Variants in CFAP299 observed in about 807,000 individuals in gnomAD.
CFAP299 encodes the protein cilia- and flagella-associated protein 299.
In CFAP299, 21 loss-of-function variants were observed where a neutral mutation model predicts 27.0. The observed-to-expected ratio is 0.78, with a 90% confidence interval of 0.55 to 1.12. CFAP299 has a LOEUF of 1.12. Among genes scored for constraint, CFAP299 ranks in the 50% most tolerant of loss-of-function variants. The pLI is 0.00. For missense variants in CFAP299, 310 were observed against 276.6 expected (o/e 1.12, Z -0.86); for synonymous variants, 104 against 98.1 (o/e 1.06, Z -0.36).
chr4:80,925,249 C>T (rs138287326), intron 4 of CFAP299, among the ~76,000 whole-genome samples: 8 of 152,012 alleles, frequency 5.3e-5, no homozygotes, highest in Non-Finnish European at 1.0e-4. Flanking sequence ...CTTTCCTGAA[C>T]AAAATATTCT....
At chr4:80,912,035 T>A (rs1735498325) in intron 4 of CFAP299, among the ~76,000 whole-genome samples, 1 of 152,142 alleles carries the variant, frequency 6.6e-6, no homozygotes, top group Non-Finnish European at 1.5e-5. Context: ...TAATACCTTC[T>A]TTCTTTTAGA....
At chr4:80,855,690 AATG>A (rs1228240305) in intron 3 of CFAP299, among the ~76,000 whole-genome samples, 2 of 152,172 alleles carry the variant, frequency 1.3e-5, no homozygotes, top group African/African-American at 4.8e-5. Context: ...GTTTACTGAG[AATG>A]ATGATTTCCA....
At chr4:80,900,107 C>T (rs1734810244) in intron 4 of CFAP299, among the ~76,000 whole-genome samples, 1 of 132,416 alleles carries the variant, frequency 7.6e-6, no homozygotes, top group African/African-American at 2.8e-5. Context: ...AAATAAATGA[C>T]ATAAAAGTGG....
chr4:80,646,784 T>C (rs1469741802), intron 3 of CFAP299, among the ~76,000 whole-genome samples: 4 of 152,124 alleles, frequency 2.6e-5, no homozygotes, highest in Admixed American at 6.6e-5. Context: ...TCTGTACTCT[T>C]TTTACTTCTC....
the CFAP299 span, among the ~76,000 whole-genome samples, chr4:80,329,471 A>G: frequency 6.6e-6 from 1 of 152,074 alleles, no homozygotes; most frequent in African/African-American, 2.4e-5. Context: ...TACTGAGGTA[A>G]TTTACATTAC....
At chr4:80,354,124 A>G (rs1324417587) in intron 1 of CFAP299, among the ~76,000 whole-genome samples, 1 of 152,232 alleles carries the variant, frequency 6.6e-6, no homozygotes, top group Non-Finnish European at 1.5e-5. Context: ...AATTCAAAAC[A>G]ATTCAAAAGG....
chr4:80,765,717 A>G (rs940000340), intron 3 of CFAP299, among the ~76,000 whole-genome samples: 1 of 152,114 alleles, frequency 6.6e-6, no homozygotes, highest in African/African-American at 2.4e-5. Flanking sequence ...AACTAAATGA[A>G]TTTCTAAAAC....
chr4:80,739,210 G>A (rs1453130457), intron 3 of CFAP299, among the ~76,000 whole-genome samples: 2 of 152,098 alleles, frequency 1.3e-5, no homozygotes, highest in Non-Finnish European at 2.9e-5. Context: ...CACAGTTACA[G>A]TGTTATACTA....
chr4:80,562,863 G>C (rs943715367), intron 2 of CFAP299, among the ~76,000 whole-genome samples: 10 of 151,774 alleles, frequency 6.6e-5, no homozygotes, highest in African/African-American at 2.4e-4. Flanking sequence ...AAGATTCTAT[G>C]TCAATGGATA....
chr4:80,692,266 G>A (rs976076993), intron 3 of CFAP299, among the ~76,000 whole-genome samples: 20 of 152,116 alleles, frequency 1.3e-4, no homozygotes, highest in African/African-American at 4.8e-4. Flanking sequence ...AACAAAGCTG[G>A]AGGCATCACA....
intron 3 of CFAP299, among the ~76,000 whole-genome samples, chr4:80,782,406 C>A (rs986376224): frequency 6.6e-6 from 1 of 150,876 alleles, no homozygotes; most frequent in African/African-American, 2.4e-5. Context: ...TTTTCTTTTT[C>A]TTCAGCTTAA....
At chr4:80,585,837 T>C (rs1001239171) in intron 3 of CFAP299, among the ~76,000 whole-genome samples, 1 of 152,038 alleles carries the variant, frequency 6.6e-6, no homozygotes, top group Admixed American at 6.6e-5. Context: ...CTGGGATAAA[T>C]AAATGACAGA....
chr4:80,628,927 A>G (rs750886517), intron 3 of CFAP299, among the ~76,000 whole-genome samples: 3 of 152,224 alleles, frequency 2.0e-5, no homozygotes, highest in Non-Finnish European at 2.9e-5. Context: ...TCAAAAAATT[A>G]AAAATAAAAC....
intron 3 of CFAP299, among the ~76,000 whole-genome samples, chr4:80,699,254 T>C (rs1188723403): frequency 6.6e-6 from 1 of 152,176 alleles, no homozygotes; most frequent in African/African-American, 2.4e-5. Context: ...GTTTCAAAGG[T>C]TCTGCACTTG....
chr4:80,656,600 C>T (rs897002295), intron 3 of CFAP299, among the ~76,000 whole-genome samples: 1 of 152,058 alleles, frequency 6.6e-6, no homozygotes, highest in African/African-American at 2.4e-5. Flanking sequence ...GTATATGTAC[C>T]ACGTTTTCTT....
rs377476055 is a variant in CFAP299 at position 80,927,007 on chromosome 4, GTT to G, written c.477-17802_477-17801del. On this transcript the variant is annotated intron_variant, in intron 4 of 5. Transcript: ENST00000358105. ...GCAACAAATAACTGCTCTCATTTCA[GTT>G]CTGGCCCAGGATAAACCAGCACATA... is the stretch of plus-strand genomic sequence containing the variant. Among the ~76,000 whole-genome samples, 441 of 152,102 alleles carry G rather than the reference GTT, an allele frequency of 2.9e-3. 1 individual carries two copies. Among genetic ancestry groups the G allele is most frequent in the African/African-American group, 0.01 (420 of 41,502 alleles).
At chr4:80,489,664 T>A (rs1001873485) in intron 2 of CFAP299, among the ~76,000 whole-genome samples, 1 of 152,210 alleles carries the variant, frequency 6.6e-6, no homozygotes, top group Non-Finnish European at 1.5e-5. Flanking sequence ...CTCTGATACC[T>A]ACCTAACAGT....
Position 80,800,618 on chromosome 4 carries a change from TAA to T in CFAP299, c.334-69374_334-69373del, listed in dbSNP as rs1560419522. 6.2e-4 allele frequency among the ~76,000 whole-genome samples: 62 copies of T among 100,770 alleles called. 2 individuals carry two copies. The highest frequency in any genetic ancestry group is 2.6e-3 in the African/African-American group (62 of 24,152). 66.1% of individuals were successfully genotyped at this position (100,770 alleles called of 152,430 possible). On this transcript the variant is annotated intron_variant, in intron 3 of 5. Transcript: ENST00000358105. ...TATATTAATATAAATATATAATATA[TAA>T]TATATTAATATAAATATATAATATA...
chr4:80,388,505 T>C, intron 2 of CFAP299: 1 of 1,414,048 alleles, frequency 7.1e-7, no homozygotes, highest in Non-Finnish European at 9.9e-7. Flanking sequence ...TTCCCGCTTG[T>C]GGGTCATAAA....
Sources: gnomAD v4.1 joint callset for allele counts (sites outside exome capture counted in the v4.1 genomes callset) on GRCh38, gnomAD v4.1.1 for gene constraint, MANE v1.5 for transcripts, NCBI Gene and HGNC (gene_info 2026-07-23, HGNC 2026-07-21) for gene names.